ANKS1B: variants seen among roughly 807,000 people sequenced by gnomAD.
The protein encoded by ANKS1B is ankyrin repeat and sterile alpha motif domain containing 1B, also known as ankyrin repeat and sterile alpha motif domain-containing protein 1B.
In ANKS1B, 36 loss-of-function variants were observed where a neutral mutation model predicts 148.3. The observed-to-expected ratio is 0.24, with a 90% CI of 0.19 to 0.32. The LOEUF (loss-of-function observed/expected upper bound fraction) is 0.32, where lower values mean the gene tolerates loss of function less well. ANKS1B is among the 10% of genes least tolerant of loss of function. The probability of loss-of-function intolerance (pLI) is 1.00; values close to 1 mark genes in which losing one functional copy is unlikely to be tolerated. For missense variants in ANKS1B, 1,157 were observed against 1,542.6 expected, an observed-to-expected ratio of 0.75 and a Z score of 4.19; for synonymous variants, 542 against 560.8, an observed-to-expected ratio of 0.97 and a Z score of 0.47.
At chr12:99,554,049 C>T (rs1352754356) in intron 9 of ANKS1B, among the ~76,000 whole-genome samples, 1 of 151,980 alleles carries the variant, frequency 6.6e-6, no homozygotes, top group African/African-American at 2.4e-5. Context: ...TGGGTGATGC[C>T]AACACAGAAG....
chr12:99,037,284 T>C (rs1470912982), intron 17 of ANKS1B, among the ~76,000 whole-genome samples: 2 of 151,960 alleles, frequency 1.3e-5, no homozygotes, highest in African/African-American at 4.8e-5. Flanking sequence ...TGGGAGGCCG[T>C]GGTGGGCAGA....
chr12:99,216,118 T>C lies in ANKS1B; in HGVS notation c.2419+28224A>G, dbSNP rs2084134828. On this transcript the variant is annotated intron_variant, in intron 14 of 26. Coordinates refer to ENST00000683438, the MANE Select transcript of ANKS1B (RefSeq NM_001352186.2). ...ATGGTTTTATAAAGGGCAGTTTCCCTGCACATGCTCTCTTGCCTGCCACCA... is the reference window on the plus strand; with the variant it reads ...ATGGTTTTATAAAGGGCAGTTTCCCCGCACATGCTCTCTTGCCTGCCACCA... Among the ~76,000 whole-genome samples, 3 of 152,226 alleles carry C rather than the reference T, an allele frequency of 2.0e-5. No individual in the cohort carries two copies. The South Asian group carries it at 6.2e-4, about 31-fold the overall frequency.
Position 99,244,079 on chromosome 12 carries a change from T to C in ANKS1B, c.2419+263A>G, listed in dbSNP as rs1325176314. Among the ~76,000 whole-genome samples the C allele has an allele frequency of 2.5e-5, 3 of 120,356 alleles. No individual in the cohort carries two copies. The East Asian group carries it at 6.8e-4, about 27-fold the overall frequency. The allele number at this position is 120,356 out of a possible 152,430, so 79.0% of individuals were successfully genotyped here. A position where few individuals can be genotyped will look rare whatever the true frequency, so the allele number is the denominator to read the frequency against. On this transcript the variant is annotated intron_variant, in intron 14 of 26. Coordinates refer to ENST00000683438, the MANE Select transcript of ANKS1B (RefSeq NM_001352186.2). ...AAATATATTTAAATTAAAAGTATTA[T>C]TAAAAAATTCTAAAAAAAAAAAAGA...
At chr12:98,946,771 A>G (rs985290191) in intron 17 of ANKS1B, among the ~76,000 whole-genome samples, 3 of 151,766 alleles carry the variant, frequency 2.0e-5, no homozygotes, top group African/African-American at 7.3e-5. Flanking sequence ...CCTTATCTCT[A>G]CTGAAAAAAG....
chr12:99,900,304 G>A (rs888700284), intron 1 of ANKS1B, among the ~76,000 whole-genome samples: 7 of 151,618 alleles, frequency 4.6e-5, no homozygotes, highest in Admixed American at 1.3e-4. Flanking sequence ...TCAGGTGTTC[G>A]AGAACAGCCT....
chr12:99,253,715 C>G (rs2074929746), intron 12 of ANKS1B, among the ~76,000 whole-genome samples: 1 of 152,114 alleles, frequency 6.6e-6, no homozygotes, highest in African/African-American at 2.4e-5. Flanking sequence ...CAAATTGCCT[C>G]CCCACAAAAT....
intron 1 of ANKS1B, among the ~76,000 whole-genome samples, chr12:99,894,364 C>T (rs1042093441): frequency 1.4e-5 from 2 of 145,678 alleles, no homozygotes; most frequent in South Asian, 4.4e-4. Context: ...AGAAAATTAG[C>T]CAGGTGTGGT....
intron 1 of ANKS1B, among the ~76,000 whole-genome samples, chr12:99,955,492 C>CAAAAAAAAAAAAAA (rs61654867): frequency 7.9e-5 from 3 of 38,064 alleles, no homozygotes; most frequent in African/African-American, 2.8e-4. Context: ...AACTCCGTCT[C>CAAAAAAAAAAAAAA]AAAAAAAAAA....
chr12:99,486,371 AGT>A (rs2096488542), intron 10 of ANKS1B, among the ~76,000 whole-genome samples: 1 of 152,046 alleles, frequency 6.6e-6, no homozygotes, highest in Non-Finnish European at 1.5e-5. Flanking sequence ...GAACGTTCTC[AGT>A]GTGTGAGCAA....
intron 15 of ANKS1B, among the ~76,000 whole-genome samples, chr12:99,121,892 T>C (rs559831989): frequency 6.6e-6 from 1 of 152,214 alleles, no homozygotes; most frequent in Non-Finnish European, 1.5e-5. Context: ...GGGGACAATG[T>C]CTTTGACCTT....
intron 19 of ANKS1B, among the ~76,000 whole-genome samples, chr12:98,820,530 T>C (rs2099178411): frequency 6.6e-6 from 1 of 152,222 alleles, no homozygotes; most frequent in Non-Finnish European, 1.5e-5. Context: ...GTCAACAGTA[T>C]TTACAGAGTG....
intron 14 of ANKS1B, among the ~76,000 whole-genome samples, chr12:99,195,081 C>T (rs181921517): frequency 1.3e-5 from 2 of 152,092 alleles, no homozygotes; most frequent in African/African-American, 2.4e-5. Context: ...AAATAAAATG[C>T]TCTCATACTT....
At chr12:99,468,528 G>A (rs1178219271) in intron 10 of ANKS1B, among the ~76,000 whole-genome samples, 14 of 152,018 alleles carry the variant, frequency 9.2e-5, no homozygotes, top group Non-Finnish European at 1.6e-4. Context: ...GAAAATTTTC[G>A]CAACCTACTC....
At chr12:99,135,370 A>T (rs551499949) in intron 15 of ANKS1B, among the ~76,000 whole-genome samples, 6 of 152,322 alleles carry the variant, frequency 3.9e-5, no homozygotes, top group African/African-American at 1.4e-4. Flanking sequence ...AAGAAATAAT[A>T]GAAGGGAATT....
intron 12 of ANKS1B, among the ~76,000 whole-genome samples, chr12:99,350,054 G>A (rs1234124126): frequency 6.6e-6 from 1 of 152,026 alleles, no homozygotes; most frequent in East Asian, 1.9e-4. Flanking sequence ...AATGTTGGAG[G>A]TGGGGCCTGG....
intron 12 of ANKS1B, among the ~76,000 whole-genome samples, chr12:99,348,492 C>A (rs1207692588): frequency 6.6e-6 from 1 of 151,672 alleles, no homozygotes; most frequent in Non-Finnish European, 1.5e-5. Context: ...TCCAACAGAT[C>A]TAAACTGACA....
chr12:99,740,023 G>C (rs1390493554), intron 8 of ANKS1B, among the ~76,000 whole-genome samples: 1 of 152,106 alleles, frequency 6.6e-6, no homozygotes, highest in Non-Finnish European at 1.5e-5. Context: ...ATAAGAACTA[G>C]TCGGTAGCCA....
chr12:99,175,089 T>G (rs1006167262), intron 14 of ANKS1B, among the ~76,000 whole-genome samples: 1 of 150,646 alleles, frequency 6.6e-6, no homozygotes, highest in Non-Finnish European at 1.5e-5. Context: ...AACATTGACA[T>G]GGATTTGAAT....
At chr12:98,894,203 GGCGAT>G (rs2099758635) in intron 17 of ANKS1B, among the ~76,000 whole-genome samples, 1 of 152,164 alleles carries the variant, frequency 6.6e-6, no homozygotes, top group African/African-American at 2.4e-5. Context: ...ATTCCTTAAA[GGCGAT>G]GCACAGCGCA....
Sources: gnomAD v4.1 joint callset for allele counts (sites outside exome capture counted in the v4.1 genomes callset) on GRCh38, gnomAD v4.1.1 for gene constraint, MANE v1.5 for transcripts, NCBI Gene and HGNC (gene_info 2026-07-23, HGNC 2026-07-21) for gene names.